The following SATB1 variants were observed in gnomAD, a reference collection of about 807,000 sequenced individuals.
SATB1 encodes the protein SATB homeobox 1, also known as DNA-binding protein SATB1.
SATB1 carries 11 observed loss-of-function variants against 86.9 expected under a neutral mutation model. The ratio of observed to expected loss-of-function variants is 0.13; its 90% confidence interval spans 0.08 to 0.21. The LOEUF (loss-of-function observed/expected upper bound fraction) is 0.21, where lower values mean the gene tolerates loss of function less well. SATB1 is among the 10% of genes least tolerant of loss of function. The pLI, the probability that SATB1 is intolerant of heterozygous loss-of-function variation, is 1.00. For missense variants in SATB1, 551 were observed against 937.6 expected, an observed-to-expected ratio of 0.59 and a Z score of 5.39; for synonymous variants, 357 against 357.2, an observed-to-expected ratio of 1.00 and a Z score of 0.01.
intron 9 of SATB1, among the ~76,000 whole-genome samples, chr3:18,372,950 GTTAAAC>G (rs1193675491): frequency 6.6e-6 from 1 of 152,190 alleles, no homozygotes; most frequent in Non-Finnish European, 1.5e-5. Context: ...AAAGATCTGT[GTTAAAC>G]TTAACACCAG....
chr3:18,357,348 T>G (rs1199370908), intron 9 of SATB1, among the ~76,000 whole-genome samples: 1 of 151,902 alleles, frequency 6.6e-6, no homozygotes, highest in Non-Finnish European at 1.5e-5. Context: ...ATAGTACTTC[T>G]AACAAAAAAT....
chr3:18,374,720 T>C (rs1248179026), intron 9 of SATB1, among the ~76,000 whole-genome samples: 1 of 152,156 alleles, frequency 6.6e-6, no homozygotes, highest in Non-Finnish European at 1.5e-5. Context: ...TTACCGAAAA[T>C]ACACTGTGCA....
rs78786969 is a variant in SATB1, at chr3:18,420,720, C to T, written c.211+37G>A. The T allele has an allele frequency of 1.8e-3, 2,863 of 1,574,122 alleles. 44 individuals are homozygous for T. The African/African-American group carries it at 0.033, about 18-fold the overall frequency. On this transcript the variant is annotated intron_variant, in intron 2 of 10. Transcript: ENST00000338745. Reference sequence around the variant, plus strand: ...GTGTGGCCTTGTGTAGACAACAGGGCTTTCAGCTTTTCAAGATTTGGCTTG... The same window carrying T: ...GTGTGGCCTTGTGTAGACAACAGGGTTTTCAGCTTTTCAAGATTTGGCTTG...
intron 9 of SATB1, among the ~76,000 whole-genome samples, chr3:18,361,800 G>A (rs1353941695): frequency 6.6e-6 from 1 of 152,072 alleles, no homozygotes; most frequent in Non-Finnish European, 1.5e-5. Flanking sequence ...ATACATCTCA[G>A]TGGGGAATTA....
chr3:18,442,966 A>C (rs529143058), upstream of SATB1, among the ~76,000 whole-genome samples: 27 of 152,360 alleles, frequency 1.8e-4, no homozygotes, highest in African/African-American at 6.5e-4. Context: ...TAGCAGTAGT[A>C]CCATACAGGA....
intron 5 of SATB1, chr3:18,410,992 C>T (rs1697806116): frequency 7.6e-6 from 3 of 394,852 alleles, no homozygotes; most frequent in Non-Finnish European, 1.3e-5. Flanking sequence ...GAGGTAGTTT[C>T]TTTTTAAAAT....
chr3:18,365,709 T>C (rs150382677), intron 9 of SATB1, among the ~76,000 whole-genome samples: 2,139 of 152,304 alleles, frequency 0.014, 46 homozygotes, highest in African/African-American at 0.049. Context: ...TGTGGCTCAA[T>C]GCTAATTTGC....
chr3:18,378,922 T>C (rs944010626), intron 8 of SATB1, among the ~76,000 whole-genome samples: 6 of 152,226 alleles, frequency 3.9e-5, no homozygotes, highest in Non-Finnish European at 8.8e-5. Context: ...TAAAGGCTGG[T>C]TGAATTTTAC....
intron 5 of SATB1, among the ~76,000 whole-genome samples, chr3:18,413,299 A>AT (rs1470735804): frequency 6.6e-6 from 1 of 152,102 alleles, no homozygotes; most frequent in Non-Finnish European, 1.5e-5. Flanking sequence ...TGTTGATGTC[A>AT]TTTAACAATT....
At position 18,394,656 on chromosome 3, in the gene SATB1, C is replaced by T; in HGVS notation, c.1012G>A (p.Ala338Thr). ...TATTGTTGGTTTAAGGACTGCTGGG[C>T]TAAAAGTCTATTCACTGCATACTGC... ...NQQYAVNRLL[A>T]QQSLNQQYLN... Residue 338 changes from alanine (A) to threonine (T), a missense_variant, in exon 7 of 11, where the codon GCC becomes ACC. Around this residue, in one of 8 missense-constraint regions of SATB1, gnomAD observed 119 missense variants for 171.1 expected, o/e 0.70. Transcript: ENST00000338745. This position sits in a 1 kb window ranked among gnomAD's most constrained non-coding sequence, Gnocchi z 5.9. 1 of 1,614,134 alleles carries T rather than the reference C, an allele frequency of 6.2e-7. No individual in the cohort carries two copies. The highest frequency in any genetic ancestry group is 8.5e-7 in the Non-Finnish European group (1 of 1,180,032).
At chr3:18,427,331 CTTG>C (rs1448296930), upstream of SATB1, among the ~76,000 whole-genome samples, 8 of 152,120 alleles carry the variant, frequency 5.3e-5, 1 homozygote, top group South Asian at 1.5e-3. Flanking sequence ...ACTCTAGTGC[CTTG>C]TTGTACAAAT....
intron 2 of SATB1, among the ~76,000 whole-genome samples, chr3:18,435,511 G>A (rs1699027931): frequency 6.6e-6 from 1 of 151,984 alleles, no homozygotes; most frequent in South Asian, 2.1e-4. Context: ...TAAATGGCAG[G>A]CAACCACACC....
chr3:18,359,866 T>C (rs994473591), intron 9 of SATB1, among the ~76,000 whole-genome samples: 4 of 151,978 alleles, frequency 2.6e-5, no homozygotes, highest in African/African-American at 7.2e-5. Context: ...TCATCAGTTT[T>C]CGTGTCTCTT....
chr3:18,365,888 CA>C (rs1352910120), intron 9 of SATB1, among the ~76,000 whole-genome samples: 2 of 152,096 alleles, frequency 1.3e-5, no homozygotes, highest in African/African-American at 4.8e-5. Context: ...AACATAGAAG[CA>C]AAAATTAATT....
intron 1 of SATB1, chr3:18,445,299 C>T: frequency 1.5e-5 from 15 of 985,600 alleles, no homozygotes; most frequent in Non-Finnish European, 1.7e-5. Context: ...GCCGCCGCCG[C>T]CGCCGCCGCT....
upstream of SATB1, among the ~76,000 whole-genome samples, chr3:18,442,000 T>G (rs1699254896): frequency 6.6e-6 from 1 of 152,180 alleles, no homozygotes; most frequent in Admixed American, 6.5e-5. Flanking sequence ...CCAAAGAATA[T>G]ATTAATTTCT....
intron 5 of SATB1, among the ~76,000 whole-genome samples, chr3:18,410,014 T>C (rs554849307): frequency 3.5e-4 from 53 of 152,026 alleles, no homozygotes; most frequent in South Asian, 8.3e-4. Flanking sequence ...TATGAAAGAA[T>C]AGGAAAGAGA....
At chr3:18,433,418 A>G (rs986658258) in intron 2 of SATB1, among the ~76,000 whole-genome samples, 3 of 152,146 alleles carry the variant, frequency 2.0e-5, no homozygotes, top group Non-Finnish European at 4.4e-5. Flanking sequence ...AAATTTAATC[A>G]GCTCAGTTAC....
At chr3:18,445,380 G>T in intron 1 of SATB1, 1 of 982,082 alleles carries the variant, frequency 1.0e-6, no homozygotes, top group Non-Finnish European at 1.2e-6. Context: ...CCGGAGGGGC[G>T]AGGGCGGGCC....
Sources: allele counts gnomAD v4.1 joint callset (sites outside exome capture counted in the v4.1 genomes callset), GRCh38; gene constraint gnomAD v4.1.1; regional missense constraint gnomAD v4.1.1; non-coding constraint Gnocchi (gnomAD v3.1); transcripts MANE v1.5; gene names NCBI Gene and HGNC (gene_info 2026-07-23, HGNC 2026-07-21).